The following CPE variants were observed in gnomAD, a reference collection of about 807,000 sequenced individuals.
The protein encoded by CPE is carbocypeptidase E.
A neutral mutation model predicts 53.5 loss-of-function variants in CPE; 17 were observed. That is an observed-to-expected ratio of 0.32 (90% CI 0.22 to 0.48). The LOEUF (loss-of-function observed/expected upper bound fraction) is 0.48, where lower values mean the gene tolerates loss of function less well. CPE is among the 20% of genes least tolerant of loss of function. The pLI is 0.99. For missense variants in CPE, 524 were observed against 614.7 expected (o/e 0.85, Z 1.56); for synonymous variants, 226 against 228.8 (o/e 0.99, Z 0.11).
chr4:165,432,801 C>T (rs543901616), intron 1 of CPE, among the ~76,000 whole-genome samples: 44 of 152,238 alleles, frequency 2.9e-4, no homozygotes, highest in African/African-American at 7.5e-4. Flanking sequence ...CAGCGCAACC[C>T]GCCCCCAGCT....
intron 1 of CPE, among the ~76,000 whole-genome samples, chr4:165,455,911 C>T (rs1418364277): frequency 6.6e-6 from 1 of 152,140 alleles, no homozygotes; most frequent in African/African-American, 2.4e-5. Context: ...CTTTGGCCTC[C>T]CAAAGTGCTG....
At position 165,493,232 on chromosome 4, in the gene CPE, C is replaced by T. The variant is rs1036060971; in HGVS notation, c.1175C>T (p.Thr392Ile). 4.3e-6 allele frequency: 7 copies of T among 1,613,968 alleles called. No homozygotes were observed. Among genetic ancestry groups the T allele is most frequent in the Non-Finnish European group, 5.9e-6 (7 of 1,179,958 alleles). ...DLQGNPIANA[T>I]ISVEGIDHDV... The stretch of plus-strand genomic sequence containing the variant: ...CAAGGTAACCCAATTGCGAATGCCA[C>T]CATCTCCGTGGAAGGAATAGACCAC... The change falls in exon 7 of 9, where the codon ACC becomes ATC. Residue 392 changes from threonine (T) to isoleucine (I), a missense_variant. By Grantham distance (89) the Thr-to-Ile change is moderately conservative (BLOSUM62 -1). Coordinates refer to ENST00000402744, the MANE Select transcript of CPE (RefSeq NM_001873.4).
chr4:165,406,611 A>G (rs564744495), intron 1 of CPE, among the ~76,000 whole-genome samples: 91 of 152,342 alleles, frequency 6.0e-4, no homozygotes, highest in African/African-American at 2.1e-3. Context: ...GAATTCACAT[A>G]CCAAATAGTT....
chr4:165,400,377 AT>A (rs2126660805), intron 1 of CPE, among the ~76,000 whole-genome samples: 1 of 152,276 alleles, frequency 6.6e-6, no homozygotes, highest in African/African-American at 2.4e-5. Flanking sequence ...ACACACCAAC[AT>A]TTTTAAGATT....
At chr4:165,385,943 C>T (rs1356542623) in intron 1 of CPE, among the ~76,000 whole-genome samples, 1 of 152,200 alleles carries the variant, frequency 6.6e-6, no homozygotes, top group African/African-American at 2.4e-5. Context: ...TCCCCGCTCC[C>T]TAACTTTCTT....
intron 1 of CPE, among the ~76,000 whole-genome samples, chr4:165,423,740 C>A (rs1051557510): frequency 1.3e-5 from 2 of 150,810 alleles, no homozygotes; most frequent in African/African-American, 2.4e-5. Flanking sequence ...TGCGCTGCAC[C>A]CACTAACTCG....
chr4:165,494,295 C>T (rs1732663934), intron 7 of CPE, among the ~76,000 whole-genome samples: 2 of 152,306 alleles, frequency 1.3e-5, no homozygotes, highest in South Asian at 4.1e-4. Context: ...TTTATTTTCT[C>T]TACATTCCAT....
Position 165,495,518 on chromosome 4 carries a change from A to G in CPE, c.1214-41A>G, listed in dbSNP as rs1162483043. 3 of 1,350,452 alleles carry G rather than the reference A, an allele frequency of 2.2e-6. No individual in the cohort carries two copies. In the South Asian group the frequency reaches 3.6e-5, roughly 16 times the overall value. The allele number at this position is 1,350,452 out of a possible 1,614,324, so 83.7% of individuals were successfully genotyped here. A position where few individuals can be genotyped will look rare whatever the true frequency, so the allele number is the denominator to read the frequency against. On this transcript the variant is annotated intron_variant, in intron 7 of 8. Transcript: ENST00000402744. ...AATTATGCATTGTGTAATTCTGCAT[A>G]TTTCATGTGCTTTGTGATTTGATAT...
chr4:165,471,638 C>A (rs1319602478), intron 3 of CPE, among the ~76,000 whole-genome samples: 3 of 152,220 alleles, frequency 2.0e-5, no homozygotes, highest in Non-Finnish European at 4.4e-5. Flanking sequence ...TGAGCCCAGC[C>A]ATGGGTTTCT....
intron 1 of CPE, among the ~76,000 whole-genome samples, chr4:165,431,647 G>T (rs928215209): frequency 6.6e-6 from 1 of 152,018 alleles, no homozygotes; most frequent in Non-Finnish European, 1.5e-5. Flanking sequence ...GACAGATTCT[G>T]GTTTTTTCTG....
intron 3 of CPE, among the ~76,000 whole-genome samples, chr4:165,468,496 C>T (rs1376726287): frequency 1.3e-5 from 2 of 152,198 alleles, no homozygotes; most frequent in Admixed American, 6.5e-5. Context: ...CTTGATATCT[C>T]AAGCTCAGGT....
chr4:165,406,659 A>T (rs1182042102), intron 1 of CPE, among the ~76,000 whole-genome samples: 1 of 152,202 alleles, frequency 6.6e-6, no homozygotes, highest in Non-Finnish European at 1.5e-5. Context: ...TTTATAGTAG[A>T]TCCACAGTGT....
At chr4:165,438,580 G>A (rs1348815047) in intron 1 of CPE, among the ~76,000 whole-genome samples, 3 of 152,102 alleles carry the variant, frequency 2.0e-5, no homozygotes, top group Non-Finnish European at 2.9e-5. Flanking sequence ...TTGCTCCTGG[G>A]TCCTACAGTT....
At chr4:165,466,500 A>G (rs1732106482) in intron 2 of CPE, among the ~76,000 whole-genome samples, 1 of 152,090 alleles carries the variant, frequency 6.6e-6, no homozygotes, top group Non-Finnish European at 1.5e-5. Flanking sequence ...GCAGTAATAA[A>G]TTAAACTTAC....
intron 1 of CPE, among the ~76,000 whole-genome samples, chr4:165,455,799 C>G (rs1208557635): frequency 6.6e-6 from 1 of 152,050 alleles, no homozygotes; most frequent in African/African-American, 2.4e-5. Flanking sequence ...ATTACAGGCG[C>G]CCGCCACCAC....
chr4:165,479,344 A>C (rs1252794773), intron 3 of CPE, among the ~76,000 whole-genome samples: 1 of 152,220 alleles, frequency 6.6e-6, no homozygotes, highest in Non-Finnish European at 1.5e-5. Flanking sequence ...CATGGAATTG[A>C]GACAAATCCA....
chr4:165,441,176 G>T (rs1340018596), intron 1 of CPE, among the ~76,000 whole-genome samples: 1 of 152,086 alleles, frequency 6.6e-6, no homozygotes, highest in African/African-American at 2.4e-5. Flanking sequence ...AGAATTAATC[G>T]TCGAGACCCC....
rs537818308 is a variant in CPE at position 165,448,787 on chromosome 4, A to AGAATGT, written c.308-15601_308-15596dup. Among the ~76,000 whole-genome samples, 1,234 of 152,270 alleles carry AGAATGT rather than the reference A, an allele frequency of 8.1e-3. 29 individuals carry two copies. The highest frequency in any genetic ancestry group is 5.5e-3 in the Non-Finnish European group (373 of 68,024). ...GTGAATTATTGCATATTCATAAGCT[A>AGAATGT]GAATGTGGACAGTCAGGGAAGGCCA... On this transcript the variant is annotated intron_variant, in intron 1 of 8. Transcript: ENST00000402744.
chr4:165,388,043 G>A (rs1354481275), intron 1 of CPE, among the ~76,000 whole-genome samples: 1 of 152,218 alleles, frequency 6.6e-6, no homozygotes, highest in African/African-American at 2.4e-5. Context: ...GATGCTGACT[G>A]ATTGGACCTA....
Sources: gnomAD v4.1 joint callset for allele counts (sites outside exome capture counted in the v4.1 genomes callset) on GRCh38, gnomAD v4.1.1 for gene constraint, MANE v1.5 for transcripts, NCBI Gene and HGNC (gene_info 2026-07-23, HGNC 2026-07-21) for gene names.